The following SH3RF1 variants were observed in gnomAD, a reference collection of about 807,000 sequenced individuals.
The protein encoded by SH3RF1 is SH3 domain containing ring finger 1, also known as E3 ubiquitin-protein ligase SH3RF1.
SH3RF1 carries 32 observed loss-of-function variants against 74.0 expected under a neutral mutation model. That is an observed-to-expected ratio of 0.43 (90% CI 0.33 to 0.58). The LOEUF is 0.58. Ranked by LOEUF, SH3RF1 falls within the 20% of genes least tolerant of loss-of-function variation. The pLI is 0.05. For missense variants in SH3RF1, 954 were observed against 1,130.9 expected, an observed-to-expected ratio of 0.84 and a Z score of 2.24; for synonymous variants, 396 against 439.6, an observed-to-expected ratio of 0.90 and a Z score of 1.24.
At chr4:169,261,773 T>A (rs1731282692) in intron 2 of SH3RF1, among the ~76,000 whole-genome samples, 2 of 152,156 alleles carry the variant, frequency 1.3e-5, no homozygotes. Context: ...CAAAAAAACC[T>A]TGTGACAGTG....
At chr4:169,255,050 A>T in intron 2 of SH3RF1, among the ~76,000 whole-genome samples, 1 of 152,216 alleles carries the variant, frequency 6.6e-6, no homozygotes, top group East Asian at 1.9e-4. Flanking sequence ...TGTTTAACAG[A>T]AAAAAGAACC....
chr4:169,175,263 A>T (rs1210626095), intron 2 of SH3RF1, among the ~76,000 whole-genome samples: 1 of 152,160 alleles, frequency 6.6e-6, no homozygotes, highest in Non-Finnish European at 1.5e-5. Context: ...TTAACACCCT[A>T]GCACCTATTA....
chr4:169,249,661 A>G (rs936573784), intron 2 of SH3RF1, among the ~76,000 whole-genome samples: 1 of 152,156 alleles, frequency 6.6e-6, no homozygotes, highest in Non-Finnish European at 1.5e-5. Context: ...CAAGGATCCA[A>G]TCCCCCCGTT....
chr4:169,119,210 T>C (rs1733396932), intron 8 of SH3RF1, among the ~76,000 whole-genome samples: 1 of 151,712 alleles, frequency 6.6e-6, no homozygotes, highest in African/African-American at 2.4e-5. Context: ...TTCAAGTGAT[T>C]ATCCTGCCTC....
At chr4:169,147,679 T>C (rs1294211644) in intron 4 of SH3RF1, among the ~76,000 whole-genome samples, 1 of 152,222 alleles carries the variant, frequency 6.6e-6, no homozygotes, top group Non-Finnish European at 1.5e-5. Context: ...CAATGTTGTT[T>C]TATAACACTT....
intron 2 of SH3RF1, among the ~76,000 whole-genome samples, chr4:169,222,109 TCAAAG>T (rs1730575436): frequency 6.6e-6 from 1 of 152,208 alleles, no homozygotes; most frequent in African/African-American, 2.4e-5. Flanking sequence ...TATCTTCTGC[TCAAAG>T]CAAAGATACT....
chr4:169,242,445 T>C (rs1730927589), intron 2 of SH3RF1, among the ~76,000 whole-genome samples: 1 of 152,242 alleles, frequency 6.6e-6, no homozygotes, highest in South Asian at 2.1e-4. Flanking sequence ...GATTTGCACT[T>C]ACATTTTGGA....
At chr4:169,119,423 C>G (rs1205400488) in intron 8 of SH3RF1, among the ~76,000 whole-genome samples, 3 of 151,160 alleles carry the variant, frequency 2.0e-5, no homozygotes, top group African/African-American at 7.3e-5. Context: ...CCACTGCACC[C>G]GGCTATACAA....
intron 8 of SH3RF1, 82 bp downstream of exon 8, chr4:169,120,737 G>A: frequency 6.9e-7 from 1 of 1,444,940 alleles, no homozygotes; most frequent in Non-Finnish European, 9.4e-7. Context: ...AATGTGAAAG[G>A]AATCTGGATA....
In SH3RF1 at chr4:169,136,594, T is replaced by C; in HGVS notation, c.792A>G (p.Ile264Met). ...CTGGCACAGGAGGCTTATCCCATTC[T>C]ATCAGCTGCTTAGCAGCCGAGTTAA... ...VEFNSAAKQLIEWDKPPVPGV... is the reference protein window; with the variant it reads ...VEFNSAAKQLMEWDKPPVPGV... Residue 264 changes from isoleucine (I) to methionine (M), a missense_variant, in exon 5 of 12, where the codon ATA (isoleucine) becomes ATG (methionine). By Grantham distance (10) the Ile-to-Met change is conservative (BLOSUM62 1). This residue lies in a region of SH3RF1 where 854 missense variants were observed against 962.5 expected (regional missense o/e 0.89). Transcript: ENST00000284637. The C allele has an allele frequency of 6.5e-7, 1 of 1,548,950 alleles. No homozygotes were observed. Among genetic ancestry groups the C allele is most frequent in the Non-Finnish European group, 8.7e-7 (1 of 1,147,882 alleles).
chr4:169,268,690 A>G, intron 2 of SH3RF1, 130 bp downstream of exon 2: 1 of 934,646 alleles, frequency 1.1e-6, no homozygotes. Context: ...TCAGAGGTAT[A>G]ATCTATCTGT....
intron 2 of SH3RF1, among the ~76,000 whole-genome samples, chr4:169,213,926 G>GT (rs928402045): frequency 3.9e-5 from 6 of 152,196 alleles, no homozygotes; most frequent in Non-Finnish European, 7.3e-5. Flanking sequence ...TAGCTTTACA[G>GT]TAAGTCTTGA....
intron 2 of SH3RF1, among the ~76,000 whole-genome samples, chr4:169,210,984 T>C (rs1196292758): frequency 1.3e-5 from 2 of 152,242 alleles, no homozygotes; most frequent in African/African-American, 2.4e-5. Context: ...TAATTTAGCA[T>C]AATTATTACT....
chr4:169,113,290 T>C (rs764993295), intron 10 of SH3RF1, among the ~76,000 whole-genome samples: 28 of 152,230 alleles, frequency 1.8e-4, no homozygotes, highest in South Asian at 1.0e-3. Context: ...TTTGTATTTT[T>C]AGTAGAGACA....
At chr4:169,229,202 T>A (rs1009686591) in intron 2 of SH3RF1, among the ~76,000 whole-genome samples, 1 of 152,122 alleles carries the variant, frequency 6.6e-6, no homozygotes, top group African/African-American at 2.4e-5. Flanking sequence ...ACTGAACTCA[T>A]CTTTATAATT....
intron 2 of SH3RF1, chr4:169,204,105 G>A (rs1349857258): frequency 6.6e-6 from 1 of 152,084 alleles, no homozygotes; most frequent in East Asian, 1.9e-4. Context: ...AAGAACTCAA[G>A]GGTAAGTAAA....
chr4:169,174,841 C>T (rs112678817), intron 2 of SH3RF1, among the ~76,000 whole-genome samples: 1 of 138,398 alleles, frequency 7.2e-6, no homozygotes, highest in East Asian at 2.2e-4. Flanking sequence ...TCATATGAAG[C>T]GCTAAGAACT....
intron 2 of SH3RF1, among the ~76,000 whole-genome samples, chr4:169,253,681 T>C (rs1305747451): frequency 6.6e-6 from 1 of 152,244 alleles, no homozygotes; most frequent in Admixed American, 6.5e-5. Context: ...CTGGAATTAC[T>C]TAGTATACAG....
intron 2 of SH3RF1, among the ~76,000 whole-genome samples, chr4:169,178,199 C>G (rs1177118197): frequency 6.6e-6 from 1 of 150,772 alleles, no homozygotes; most frequent in Admixed American, 6.6e-5. Flanking sequence ...CGAGATTGCG[C>G]CAGCATGCTC....
Sources: gnomAD v4.1 joint callset for allele counts (sites outside exome capture counted in the v4.1 genomes callset) on GRCh38, gnomAD v4.1.1 for gene constraint, gnomAD v4.1.1 regional missense constraint, MANE v1.5 for transcripts, NCBI Gene and HGNC (gene_info 2026-07-23, HGNC 2026-07-21) for gene names.